The following CRTC3 variants were observed in gnomAD, a reference collection of about 807,000 sequenced individuals.
CRTC3 encodes the protein CREB-regulated transcription coactivator 3.
In CRTC3, 26 loss-of-function variants were observed where a neutral mutation model predicts 74.5. The ratio of observed to expected loss-of-function variants is 0.35; its 90% CI spans 0.26 to 0.48. The LOEUF (loss-of-function observed/expected upper bound fraction) is 0.48, where lower values mean the gene tolerates loss of function less well. Among genes scored for constraint, CRTC3 ranks in the 20% least tolerant of loss-of-function variants. The probability of loss-of-function intolerance (pLI) is 0.99; values close to 1 mark genes in which losing one functional copy is unlikely to be tolerated. For synonymous variants in CRTC3, 377 were observed against 325.8 expected, an observed-to-expected ratio of 1.16 and a Z score of -1.69; for missense variants, 760 against 787.3, an observed-to-expected ratio of 0.97 and a Z score of 0.41.
chr15:90,551,869 C>T (rs182721176), intron 2 of CRTC3, among the ~76,000 whole-genome samples: 34 of 152,400 alleles, frequency 2.2e-4, no homozygotes, highest in African/African-American at 7.7e-4. Context: ...TAAAATGTGG[C>T]GGTTCCTCTG....
chr15:90,551,932 A>G lies in CRTC3; in HGVS notation c.231+11795A>G, dbSNP rs918569682. On this transcript the variant is annotated intron_variant, in intron 2 of 14. Coordinates refer to ENST00000268184, the MANE Select transcript of CRTC3 (RefSeq NM_022769.5). ...ACATTACATTACATTACACACACGC[A>G]CACACACACACGCACACACACACAC... Among the ~76,000 whole-genome samples the G allele has an allele frequency of 2.3e-3, 37 of 16,022 alleles. 2 individuals carry two copies. The highest frequency in any genetic ancestry group is 4.5e-3 in the African/African-American group (35 of 7,812). 10.5% of individuals were successfully genotyped at this position (16,022 alleles called of 152,430 possible).
intron 9 of CRTC3, among the ~76,000 whole-genome samples, chr15:90,624,234 C>T (rs1332001869): frequency 6.6e-6 from 1 of 152,084 alleles, no homozygotes; most frequent in Non-Finnish European, 1.5e-5. Context: ...GCATTCTCCT[C>T]CGCGTCACCC....
intron 9 of CRTC3, among the ~76,000 whole-genome samples, chr15:90,622,763 A>G (rs1195719379): frequency 6.6e-6 from 1 of 152,148 alleles, no homozygotes; most frequent in Non-Finnish European, 1.5e-5. Context: ...AGGCAGGAGA[A>G]TTGTTTGAAC....
At chr15:90,619,922 A>T in intron 9 of CRTC3, 132 bp downstream of exon 9, 1 of 702,860 alleles carries the variant, frequency 1.4e-6, no homozygotes, top group Non-Finnish European at 2.5e-6. Flanking sequence ...CTGCATTTTC[A>T]TAAAAACAGC....
chr15:90,546,928 C>G lies in CRTC3; in HGVS notation c.231+6791C>G, dbSNP rs543351813. Among the ~76,000 whole-genome samples the G allele has an allele frequency of 2.6e-5, 4 of 152,336 alleles. No individual in the cohort carries two copies. In the South Asian group the frequency reaches 8.3e-4, roughly 32 times the overall value. On this transcript the variant is annotated intron_variant, in intron 2 of 14. Transcript: ENST00000268184. The stretch of plus-strand genomic sequence containing the variant: ...GTGAGCCACAACGCCCGGCCAACAC[C>G]TGCTAGGATTTTAAACAGGATTGCA...
chr15:90,567,050 A>G (rs545812514), intron 2 of CRTC3, among the ~76,000 whole-genome samples: 3 of 152,170 alleles, frequency 2.0e-5, no homozygotes, highest in Non-Finnish European at 4.4e-5. Flanking sequence ...TTTTGGAAGC[A>G]GATGCCATCT....
At chr15:90,571,474 A>G (rs1967263229) in intron 2 of CRTC3, among the ~76,000 whole-genome samples, 1 of 152,148 alleles carries the variant, frequency 6.6e-6, no homozygotes, top group African/African-American at 2.4e-5. Context: ...TGAGCATGAG[A>G]AGGGAGTGGT....
Position 90,617,957 on chromosome 15 carries a change from G to A in CRTC3, c.688G>A (p.Glu230Lys). Residue 230 changes from glutamate to lysine, a missense_variant, in exon 8 of 15, where the codon GAG becomes AAG. This residue lies in a region of CRTC3 where 652 missense variants were observed against 635.2 expected (regional missense o/e 1.03). Transcript: ENST00000268184. ...GAAGCCACTGCCAAAACAACTGTGG[G>A]AGACCAAGGAGGTGGGTGAACAGTA... ...VPKPLPKQLW[E>K]TKEIQSLSGR... 1 of 1,604,684 alleles carries A rather than the reference G, an allele frequency of 6.2e-7. No homozygotes were observed.
intron 2 of CRTC3, among the ~76,000 whole-genome samples, chr15:90,581,223 C>T (rs1362360523): frequency 1.3e-5 from 2 of 152,160 alleles, no homozygotes; most frequent in Admixed American, 6.5e-5. Flanking sequence ...CAGAACAGGA[C>T]AAGGACACTG....
At chr15:90,637,357 G>A (rs1016970521) in intron 11 of CRTC3, among the ~76,000 whole-genome samples, 2 of 152,068 alleles carry the variant, frequency 1.3e-5, no homozygotes, top group African/African-American at 4.8e-5. Context: ...TGAACAATGA[G>A]AACACATGGA....
rs1343806675 is a variant in CRTC3 at position 90,533,487 on chromosome 15, C to T, written c.132+3284C>T. On this transcript the variant is annotated intron_variant, in intron 1 of 14. Coordinates refer to ENST00000268184, the MANE Select transcript of CRTC3 (RefSeq NM_022769.5). The stretch of plus-strand genomic sequence containing the variant: ...CCTGGGAAGAGGCTGTTCTGTTGTT[C>T]ATTTATTAATGTATTCATTTGTCAG... Among the ~76,000 whole-genome samples, 4 of 150,778 alleles carry T rather than the reference C, an allele frequency of 2.7e-5. No individual in the cohort carries two copies. In the South Asian group the frequency reaches 8.4e-4, roughly 32 times the overall value.
intron 11 of CRTC3, among the ~76,000 whole-genome samples, chr15:90,632,219 T>G (rs993418880): frequency 6.6e-6 from 1 of 152,176 alleles, no homozygotes; most frequent in Admixed American, 6.5e-5. Context: ...TATTCTTGCT[T>G]TTTAGCTACA....
rs576376040 is a variant in CRTC3, at chr15:90,560,677, C to A, written c.231+20540C>A. 1.3e-3 allele frequency among the ~76,000 whole-genome samples: 203 copies of A among 152,336 alleles called. 2 individuals carry two copies. The highest frequency in any genetic ancestry group is 4.7e-3 in the African/African-American group (197 of 41,574). On this transcript the variant is annotated intron_variant, in intron 2 of 14. Transcript: ENST00000268184. Reference sequence around the variant, plus strand: ...GCTCTGCAGATCCTCAAAGGTCTGGCTGTCAGAACAATAGGGAATGAGAGC... The same window carrying A: ...GCTCTGCAGATCCTCAAAGGTCTGGATGTCAGAACAATAGGGAATGAGAGC...
Position 90,635,221 on chromosome 15 carries a change from A to G in CRTC3, c.1267-3225A>G, listed in dbSNP as rs80031105. Among the ~76,000 whole-genome samples, 790 of 149,918 alleles carry G rather than the reference A, an allele frequency of 5.3e-3. 9 individuals are homozygous for G. The highest frequency in any genetic ancestry group is 0.044 in the East Asian group (224 of 5,132). ...TTCCAAATAAAAATATGTAAATGAG[A>G]AAAAAAAAAGGACACTGAGAAGCTG... On this transcript the variant is annotated intron_variant, in intron 11 of 14. Coordinates refer to ENST00000268184, the MANE Select transcript of CRTC3 (RefSeq NM_022769.5).
chr15:90,581,485 G>A (rs1967540827), intron 2 of CRTC3, among the ~76,000 whole-genome samples: 1 of 152,034 alleles, frequency 6.6e-6, no homozygotes, highest in African/African-American at 2.4e-5. Flanking sequence ...AAAAAAAGTT[G>A]TTTTGTTGGC....
intron 1 of CRTC3, among the ~76,000 whole-genome samples, chr15:90,536,718 A>G (rs1280253237): frequency 6.6e-6 from 1 of 152,210 alleles, no homozygotes; most frequent in African/African-American, 2.4e-5. Context: ...AAAGGTCACT[A>G]ACTCAGTAAG....
chr15:90,593,940 G>T, intron 3 of CRTC3, 185 bp downstream of exon 3: 1 of 524,432 alleles, frequency 1.9e-6, no homozygotes, highest in Non-Finnish European at 3.2e-6. Flanking sequence ...AAACATCATT[G>T]TAGGTGTTTA....
intron 2 of CRTC3, among the ~76,000 whole-genome samples, chr15:90,590,041 A>G (rs1967763226): frequency 6.6e-6 from 1 of 152,018 alleles, no homozygotes. Flanking sequence ...CTGTAATCCC[A>G]GTACTTTGGG....
chr15:90,565,346 C>G (rs570613211), intron 2 of CRTC3, among the ~76,000 whole-genome samples: 1 of 152,158 alleles, frequency 6.6e-6, no homozygotes, highest in Non-Finnish European at 1.5e-5. Flanking sequence ...ATAATGTATA[C>G]GAAGCATCTA....
Sources: gnomAD v4.1 joint callset for allele counts (sites outside exome capture counted in the v4.1 genomes callset) on GRCh38, gnomAD v4.1.1 for gene constraint, gnomAD v4.1.1 regional missense constraint, MANE v1.5 for transcripts, NCBI Gene and HGNC (gene_info 2026-07-23, HGNC 2026-07-21) for gene names.